The following GPHN variants were observed in gnomAD, a reference collection of about 807,000 sequenced individuals.
The protein encoded by GPHN is gephyrin.
GPHN carries 17 observed loss-of-function variants against 95.5 expected under a neutral mutation model. That is an observed-to-expected ratio of 0.18 (90% CI 0.12 to 0.27). GPHN has a LOEUF of 0.27. Ranked by LOEUF, GPHN falls within the 10% of genes least tolerant of loss-of-function variation. GPHN has a pLI of 1.00. For missense variants in GPHN, 660 were observed against 978.1 expected (o/e 0.67, Z 4.34); for synonymous variants, 320 against 322.5 (o/e 0.99, Z 0.08).
intron 4 of GPHN, among the ~76,000 whole-genome samples, chr14:66,871,786 G>C (rs558232007): frequency 7.2e-4 from 110 of 152,194 alleles, no homozygotes; most frequent in African/African-American, 2.6e-3. Context: ...GGGGTGAGGG[G>C]GAAGGGGAGG....
At chr14:66,835,349 G>C (rs1408964012) in intron 4 of GPHN, among the ~76,000 whole-genome samples, 2 of 151,700 alleles carry the variant, frequency 1.3e-5, no homozygotes, top group African/African-American at 4.8e-5. Flanking sequence ...TGTGATGTGA[G>C]GGTGTCAATT....
At chr14:67,395,846 C>G in the GPHN span, among the ~76,000 whole-genome samples, 1 of 152,138 alleles carries the variant, frequency 6.6e-6, no homozygotes, top group African/African-American at 2.4e-5. Context: ...GTTCTGTTCT[C>G]TCTTCTAGAA....
chr14:66,993,043 G>A (rs1410798137), intron 9 of GPHN, among the ~76,000 whole-genome samples: 1 of 152,080 alleles, frequency 6.6e-6, no homozygotes, highest in Non-Finnish European at 1.5e-5. Context: ...CGTTGACGTA[G>A]GAATGGTTAT....
chr14:66,701,989 A>G lies in GPHN; in HGVS notation c.143+20804A>G, dbSNP rs139472246. On this transcript the variant is annotated intron_variant, in intron 2 of 22. Transcript: ENST00000478722. ...GGAGGCTGGACAGCTTGGTCCCAAGACATGTCCTCCACAGCCCAACACACC... is the reference window on the plus strand; with the variant it reads ...GGAGGCTGGACAGCTTGGTCCCAAGGCATGTCCTCCACAGCCCAACACACC... Among the ~76,000 whole-genome samples, 628 of 152,250 alleles carry G rather than the reference A, an allele frequency of 4.1e-3. 1 individual carries two copies. The highest frequency in any genetic ancestry group is 5.1e-3 in the Non-Finnish European group (349 of 68,006).
chr14:66,982,607 G>A (rs1205554202), intron 9 of GPHN, among the ~76,000 whole-genome samples: 1 of 152,080 alleles, frequency 6.6e-6, no homozygotes, highest in Non-Finnish European at 1.5e-5. Flanking sequence ...TAACATCTTG[G>A]TAAAATACTT....
chr14:67,510,170 T>C, the GPHN span, among the ~76,000 whole-genome samples: 5 of 152,222 alleles, frequency 3.3e-5, no homozygotes, highest in South Asian at 2.1e-4. Flanking sequence ...AGCTATCTCA[T>C]TGATATGAGA....
chr14:66,578,940 C>T (rs2061028577), intron 1 of GPHN, among the ~76,000 whole-genome samples: 1 of 151,666 alleles, frequency 6.6e-6, no homozygotes, highest in Non-Finnish European at 1.5e-5. Context: ...GTATGTAAAG[C>T]TACAATGGTG....
chr14:67,075,616 A>G (rs144907556), intron 11 of GPHN, among the ~76,000 whole-genome samples: 1 of 152,342 alleles, frequency 6.6e-6, no homozygotes, highest in Non-Finnish European at 1.5e-5. Flanking sequence ...AAGAGCATTT[A>G]TGATTCACGG....
chr14:66,652,266 C>A lies in GPHN; in HGVS notation c.65-28841C>A, dbSNP rs902364195. On this transcript the variant is annotated intron_variant, in intron 1 of 22. Coordinates refer to ENST00000478722, the MANE Select transcript of GPHN (RefSeq NM_020806.5). The stretch of plus-strand genomic sequence containing the variant: ...ACATTTGCAAAATATTCACTTCATT[C>A]CCCTATTGATAAGCATTGATGCATC... Among the ~76,000 whole-genome samples, 5 of 152,116 alleles carry A rather than the reference C, an allele frequency of 3.3e-5. No homozygotes were observed. In the East Asian group the frequency reaches 9.7e-4, roughly 29 times the overall value.
chr14:66,678,684 T>C (rs1292736642), intron 1 of GPHN, among the ~76,000 whole-genome samples: 3 of 152,182 alleles, frequency 2.0e-5, no homozygotes, highest in Non-Finnish European at 4.4e-5. Flanking sequence ...ACTGTGTATA[T>C]GGTTAGCAAT....
intron 2 of GPHN, among the ~76,000 whole-genome samples, chr14:66,702,276 C>T (rs2068624310): frequency 6.6e-6 from 1 of 152,164 alleles, no homozygotes; most frequent in Admixed American, 6.5e-5. Context: ...GAAGCACAGC[C>T]CTTCCCCCAA....
chr14:67,197,186 C>A, the GPHN span: 1 of 152,260 alleles, frequency 6.6e-6, no homozygotes, highest in Admixed American at 6.5e-5. Flanking sequence ...ATCTTGGCCT[C>A]CCAAAGTGCT....
At chr14:67,340,272 G>C in the GPHN span, 1 of 594,518 alleles carries the variant, frequency 1.7e-6, no homozygotes, top group Admixed American at 3.0e-5. Context: ...AAATTTGACA[G>C]ATTTGTTTCC....
the GPHN span, chr14:67,571,704 G>C: frequency 6.3e-7 from 1 of 1,593,810 alleles, no homozygotes; most frequent in Non-Finnish European, 8.6e-7. Context: ...GTTGGGAGAG[G>C]ACTGTTTTGC....
intron 5 of GPHN, among the ~76,000 whole-genome samples, chr14:66,899,131 T>C (rs1415558308): frequency 1.3e-5 from 2 of 151,466 alleles, no homozygotes; most frequent in East Asian, 1.9e-4. Flanking sequence ...TCTTTTTTTT[T>C]TTTTTGTTTT....
chr14:66,702,684 C>T (rs1020109065), intron 2 of GPHN, among the ~76,000 whole-genome samples: 4 of 152,150 alleles, frequency 2.6e-5, no homozygotes, highest in African/African-American at 9.7e-5. Flanking sequence ...ATTAGACAAA[C>T]TCATGAAGAT....
In GPHN at chr14:67,089,094, T is replaced by G; in HGVS notation, c.1237+19T>G. On this transcript the variant is annotated intron_variant, in intron 12 of 22. Coordinates refer to ENST00000478722, the MANE Select transcript of GPHN (RefSeq NM_020806.5). ...GTCCGAGGTAAATATTTTGGTTTTC[T>G]TAAACATAATCAGGCACTGTATTTT... 1 of 1,110,770 alleles carries G rather than the reference T, an allele frequency of 9.0e-7. No homozygotes were observed. The highest frequency in any genetic ancestry group is 1.4e-6 in the Non-Finnish European group (1 of 719,200). 68.8% of individuals were successfully genotyped at this position (1,110,770 alleles called of 1,614,324 possible).
chr14:66,735,493 A>T (rs1566885835), intron 2 of GPHN, among the ~76,000 whole-genome samples: 2 of 152,168 alleles, frequency 1.3e-5, no homozygotes, highest in Admixed American at 1.3e-4. Context: ...ATAATTATTT[A>T]AAATTAATAT....
At chr14:67,729,455 T>G in the GPHN span, 4 of 1,431,152 alleles carry the variant, frequency 2.8e-6, no homozygotes, top group African/African-American at 4.2e-5. Flanking sequence ...CTGTTCATCC[T>G]GAGAAGCTGA....
Sources: allele counts gnomAD v4.1 joint callset (sites outside exome capture counted in the v4.1 genomes callset), GRCh38; gene constraint gnomAD v4.1.1; transcripts MANE v1.5; gene names NCBI Gene and HGNC (gene_info 2026-07-23, HGNC 2026-07-21).